Variants in GNE observed in about 807,000 individuals in gnomAD.
GNE encodes glucosamine (UDP-N-acetyl)-2-epimerase/N-acetylmannosamine kinase, also known as bifunctional UDP-N-acetylglucosamine 2-epimerase/N-acetylmannosamine kinase.
Under a neutral mutation model 61.8 loss-of-function variants are expected in GNE, and 41 were observed. That is an observed-to-expected ratio of 0.66 (90% CI 0.52 to 0.86). GNE has a LOEUF of 0.86. Ranked by LOEUF, GNE falls within the 40% of genes least tolerant of loss-of-function variation. The pLI is 0.00. For synonymous variants in GNE, 264 were observed against 326.4 expected (o/e 0.81, Z 2.06); for missense variants, 608 against 909.1 (o/e 0.67, Z 4.26).
intron 6 of GNE, among the ~76,000 whole-genome samples, chr9:36,228,793 C>CAAAAAA (rs71336431): frequency 1.2e-4 from 9 of 72,542 alleles, no homozygotes; most frequent in Admixed American, 3.3e-4. Context: ...GAGTCCATCT[C>CAAAAAA]AAAAAAAAAA....
chr9:36,220,155 C>G (rs368860422), intron 9 of GNE, 135 bp from the exon 10 acceptor site: 1 of 757,496 alleles, frequency 1.3e-6, no homozygotes, highest in Non-Finnish European at 2.3e-6. Context: ...CTGAAGCCCA[C>G]TAGGCATCAA....
Position 36,246,400 on chromosome 9 carries a change from C to CT in GNE, c.246dup (p.Ala83SerfsTer18). ...GCCAGGCCTACTGACTCCACCATGGCTGCCTCATCTTCTCCCCTCACAATT... is the reference window on the plus strand; with the variant it reads ...GCCAGGCCTACTGACTCCACCATGGCTTGCCTCATCTTCTCCCCTCACAATT... On this transcript the variant is annotated frameshift_variant, in exon 3 of 12. Transcript: ENST00000642385. LOFTEE classifies it high-confidence loss of function. The CT allele has an allele frequency of 6.2e-7, 1 of 1,613,736 alleles. No individual in the cohort carries two copies. The highest frequency in any genetic ancestry group is 8.5e-7 in the Non-Finnish European group (1 of 1,179,728).
chr9:36,225,222 T>G (rs972669797), intron 7 of GNE, among the ~76,000 whole-genome samples: 1 of 152,210 alleles, frequency 6.6e-6, no homozygotes, highest in Non-Finnish European at 1.5e-5. Flanking sequence ...TTTCAGTTAT[T>G]CTTAGGAGTT....
Position 36,258,366 on chromosome 9 carries a change from G to A in GNE, c.-88C>T. The A allele has an allele frequency of 2.0e-6, 2 of 985,526 alleles. No homozygotes were observed. Among genetic ancestry groups the A allele is most frequent in the Non-Finnish European group, 2.4e-6 (2 of 830,016 alleles). 61.0% of individuals were successfully genotyped at this position (985,526 alleles called of 1,614,324 possible). A position where few individuals can be genotyped will look rare whatever the true frequency, so the allele number is the denominator to read the frequency against. ...CTCCCACGCCGCCACCGCGCTCCTC[G>A]GGCGAGGGACGAACCAAGCGCCACG... On this transcript the variant is annotated 5_prime_UTR_variant, in exon 1 of 12. Transcript: ENST00000642385.
intron 2 of GNE, among the ~76,000 whole-genome samples, chr9:36,247,170 C>T (rs947213198): frequency 6.6e-6 from 1 of 152,144 alleles, no homozygotes; most frequent in African/African-American, 2.4e-5. Context: ...GATTCTCCTG[C>T]CTCAGCCTCC....
intron 5 of GNE, 76 bp downstream of exon 5, chr9:36,233,844 C>G: frequency 9.3e-7 from 1 of 1,074,816 alleles, no homozygotes; most frequent in Non-Finnish European, 1.5e-6. Flanking sequence ...ATGCTCAGTA[C>G]TGATATATGC....
intron 1 of GNE, among the ~76,000 whole-genome samples, chr9:36,268,122 G>C (rs940932810): frequency 1.3e-5 from 2 of 151,976 alleles, no homozygotes; most frequent in African/African-American, 4.8e-5. Flanking sequence ...CTGGGCAACA[G>C]AGTGAGACCC....
intron 5 of GNE, among the ~76,000 whole-genome samples, chr9:36,231,488 C>T (rs116708575): frequency 0.026 from 4,012 of 152,274 alleles, 68 homozygotes; most frequent in Non-Finnish European, 0.042. Flanking sequence ...CTATATTCTT[C>T]AGCTTGCCTT....
upstream of GNE, among the ~76,000 whole-genome samples, chr9:36,261,463 G>A (rs552398657): frequency 1.3e-5 from 2 of 149,852 alleles, no homozygotes; most frequent in African/African-American, 4.9e-5. Context: ...CGAGGCAGGA[G>A]AATAAATGGA....
chr9:36,233,450 A>G (rs531876181), intron 5 of GNE, among the ~76,000 whole-genome samples: 3 of 152,310 alleles, frequency 2.0e-5, no homozygotes, highest in Non-Finnish European at 4.4e-5. Flanking sequence ...GCGGATCACG[A>G]GGTCAGGAGA....
Position 36,216,676 on chromosome 9 carries a change from TTA to T in GNE, c.*687_*688del, listed in dbSNP as rs1828322977. 13 of 49,080 alleles carry T rather than the reference TTA, an allele frequency of 2.6e-4. No homozygotes were observed. Among genetic ancestry groups the T allele is most frequent in the African/African-American group, 6.2e-4 (12 of 19,392 alleles). 3.0% of individuals were successfully genotyped at this position (49,080 alleles called of 1,614,324 possible). A position where few individuals can be genotyped will look rare whatever the true frequency, so the allele number is the denominator to read the frequency against. The stretch of plus-strand genomic sequence containing the variant: ...TTATTATTATTATTATTATTATTTA[TTA>T]TTATTATTTTTGAGATGGAGTCTTG... On this transcript the variant is annotated 3_prime_UTR_variant, in exon 12 of 12. Transcript: ENST00000642385.
Position 36,216,415 on chromosome 9 carries a change from A to C in GNE, c.*950T>G. ...CAGTGGCATGATCTCGGCTCACTGC[A>C]ACCTCCGCCTCCCGGGTTCAAGCAA... is the stretch of plus-strand genomic sequence containing the variant. On this transcript the variant is annotated 3_prime_UTR_variant, in exon 12 of 12. Transcript: ENST00000642385. 3.2e-6 allele frequency: 1 copy of C among 309,764 alleles called. No individual in the cohort carries two copies. Among genetic ancestry groups the C allele is most frequent in the Non-Finnish European group, 6.9e-6 (1 of 144,272 alleles). The allele number at this position is 309,764 out of a possible 1,614,324, so 19.2% of individuals were successfully genotyped here. A position where few individuals can be genotyped will look rare whatever the true frequency, so the allele number is the denominator to read the frequency against.
chr9:36,255,564 A>C (rs1728063490), intron 1 of GNE, among the ~76,000 whole-genome samples: 2 of 152,180 alleles, frequency 1.3e-5, no homozygotes, highest in Non-Finnish European at 2.9e-5. Flanking sequence ...TCCCTGAAAG[A>C]AACTATAGTA....
At chr9:36,257,122 T>G (rs1351805313) in intron 1 of GNE, among the ~76,000 whole-genome samples, 1 of 152,040 alleles carries the variant, frequency 6.6e-6, no homozygotes. Flanking sequence ...GAGAATTACT[T>G]GAACCCAAGT....
At chr9:36,226,499 A>C (rs1828869698) in intron 7 of GNE, among the ~76,000 whole-genome samples, 2 of 152,250 alleles carry the variant, frequency 1.3e-5, no homozygotes, top group South Asian at 4.2e-4. Context: ...TTAGTTTTTA[A>C]AAGAGTATTT....
intron 1 of GNE, 24 bp from the exon 2 acceptor site, chr9:36,249,421 T>C: frequency 6.7e-7 from 1 of 1,503,456 alleles, no homozygotes; most frequent in South Asian, 1.2e-5. Context: ...AATAAAAACT[T>C]TATAATCAGA....
chr9:36,240,799 T>C (rs1289158675), intron 3 of GNE, among the ~76,000 whole-genome samples: 2 of 152,156 alleles, frequency 1.3e-5, no homozygotes, highest in African/African-American at 2.4e-5. Context: ...TTTTTGTTGG[T>C]AATTTTTAAA....
At position 36,229,381 on chromosome 9, in the gene GNE, C is replaced by T. The variant is rs77468060; in HGVS notation, c.983-273G>A. ...GTTTATTAAAATAAATAAGGTAGAC[C>T]AACCTGGCATCCACTTACCATTTGC... On this transcript the variant is annotated intron_variant, in intron 5 of 11. Transcript: ENST00000642385. Among the ~76,000 whole-genome samples the T allele has an allele frequency of 0.042, 6,346 of 152,158 alleles. 440 individuals carry two copies. Among genetic ancestry groups the T allele is most frequent in the African/African-American group, 0.14 (6,010 of 41,490 alleles).
intron 10 of GNE, among the ~76,000 whole-genome samples, chr9:36,219,169 C>A (rs139619122): frequency 1.9e-4 from 29 of 152,274 alleles, no homozygotes; most frequent in Admixed American, 3.9e-4. Context: ...TCTACCCCCA[C>A]TGCCAACAGA....
Sources: gnomAD v4.1 joint callset for allele counts (sites outside exome capture counted in the v4.1 genomes callset) on GRCh38, gnomAD v4.1.1 for gene constraint, MANE v1.5 for transcripts, NCBI Gene and HGNC (gene_info 2026-07-23, HGNC 2026-07-21) for gene names.